PKP2: variants seen among roughly 807,000 people sequenced by gnomAD.
The protein encoded by PKP2 is plakophilin-2.
Under a neutral mutation model 83.4 loss-of-function variants are expected in PKP2, and 73 were observed. The observed-to-expected ratio is 0.88, with a 90% CI of 0.72 to 1.06. The LOEUF (loss-of-function observed/expected upper bound fraction) is 1.06, where lower values mean the gene tolerates loss of function less well. PKP2 is among the 50% of genes least tolerant of loss of function. PKP2 has a pLI of 0.00. For synonymous variants in PKP2, 409 were observed against 430.4 expected (o/e 0.95, Z 0.62); for missense variants, 966 against 1,065.4 (o/e 0.91, Z 1.30).
At chr12:32,840,856 C>A (rs1956583688) in intron 6 of PKP2, among the ~76,000 whole-genome samples, 172 bp downstream of exon 6, 1 of 152,010 alleles carries the variant, frequency 6.6e-6, no homozygotes, top group South Asian at 2.1e-4. Flanking sequence ...CCAGCCTGGG[C>A]AACAGAGCGA....
rs191049291 is a variant in PKP2, at chr12:32,846,588, A to T, written c.1378+4178T>A. Among the ~76,000 whole-genome samples the T allele has an allele frequency of 3.4e-4, 51 of 152,142 alleles. No homozygotes were observed. In the East Asian group the frequency reaches 9.7e-3, roughly 29 times the overall value. On this transcript the variant is annotated intron_variant, in intron 5 of 12. Transcript: ENST00000340811. ...GGAGAAACCTCCATCTCTACTAAAA[A>T]TACAAAATTAGCCAGGCATAGTGGC...
rs2137945629 is a variant in PKP2, at chr12:32,877,878, A to G, written c.1002T>C (p.Thr334=). 12 of 1,614,032 alleles carry G rather than the reference A, an allele frequency of 7.4e-6. No homozygotes were observed. Among genetic ancestry groups the G allele is most frequent in the Non-Finnish European group, 1.0e-5 (12 of 1,179,904 alleles). ...GGGAGTCAGTGAAAGTGCTTCTCTC[A>G]GTGAGCAGATTCCCACTTCCCCCTG... is the stretch of plus-strand genomic sequence containing the variant. The part of the protein sequence containing the change: ...AAAGGSGNLL[T]ERSTFTDSQL... Residue 334 remains threonine (T), a synonymous_variant, in exon 3 of 13, where the codon ACT becomes ACC. Transcript: ENST00000340811.
At chr12:32,801,671 G>A (rs1410187010) in intron 10 of PKP2, among the ~76,000 whole-genome samples, 6 of 151,946 alleles carry the variant, frequency 3.9e-5, no homozygotes, top group African/African-American at 7.3e-5. Context: ...TGTTAGAAAC[G>A]ACCGATTACA....
chr12:32,872,420 G>A (rs931959845), intron 3 of PKP2, among the ~76,000 whole-genome samples: 5 of 152,146 alleles, frequency 3.3e-5, no homozygotes, highest in African/African-American at 1.2e-4. Flanking sequence ...TGTAATCCCA[G>A]CTACTTGGGA....
chr12:32,847,923 C>T (rs1327313187), intron 5 of PKP2, among the ~76,000 whole-genome samples: 1 of 151,954 alleles, frequency 6.6e-6, no homozygotes, highest in Admixed American at 6.6e-5. Flanking sequence ...AGCGAGATCC[C>T]CATCCTTTAA....
chr12:32,862,093 T>C (rs1393705418), intron 4 of PKP2, among the ~76,000 whole-genome samples: 2 of 151,946 alleles, frequency 1.3e-5, no homozygotes, highest in Non-Finnish European at 2.9e-5. Context: ...GACAGGGTTT[T>C]ACCATGTTGC....
At chr12:32,806,300 C>G (rs1269900974) in intron 9 of PKP2, among the ~76,000 whole-genome samples, 5 of 152,142 alleles carry the variant, frequency 3.3e-5, no homozygotes, top group Admixed American at 6.5e-5. Context: ...CCTACCCGCT[C>G]TTTGTACCTC....
rs867052181 is a variant in PKP2, at chr12:32,892,821, G to C, written c.223+3688C>G. The stretch of plus-strand genomic sequence containing the variant: ...ACTCAGATACCTGGGGTGGGGGCGG[G>C]GGGGGGGGGAGAACTGTGTAGCAAG... On this transcript the variant is annotated intron_variant, in intron 1 of 12. Transcript: ENST00000340811. Among the ~76,000 whole-genome samples the C allele has an allele frequency of 7.6e-3, 867 of 113,334 alleles. 135 individuals are homozygous for C. Among genetic ancestry groups the C allele is most frequent in the African/African-American group, 0.025 (824 of 33,008 alleles). 74.4% of individuals were successfully genotyped at this position (113,334 alleles called of 152,430 possible).
rs555341749 is a variant in PKP2, at chr12:32,827,182, A to T, written c.1557-3020T>A. On this transcript the variant is annotated intron_variant, in intron 6 of 12. Transcript: ENST00000340811. ...TATTTCGGGTTAGAATGGTAAGTCA[A>T]GTTGGCAGTACTGCCAGTTCACAAG... 3.9e-5 allele frequency among the ~76,000 whole-genome samples: 6 copies of T among 152,354 alleles called. No individual in the cohort carries two copies. The East Asian group carries it at 9.6e-4, about 24-fold the overall frequency.
intron 9 of PKP2, among the ~76,000 whole-genome samples, chr12:32,803,967 C>G (rs11052249): frequency 0.077 from 11,749 of 152,084 alleles, 1,202 homozygotes; most frequent in East Asian, 0.54. Context: ...TTTTCTTACA[C>G]TTACACATGT....
intron 6 of PKP2, among the ~76,000 whole-genome samples, chr12:32,839,241 A>G (rs559175859): frequency 2.0e-5 from 3 of 152,190 alleles, no homozygotes; most frequent in Admixed American, 2.0e-4. Context: ...TGTCCTTGCT[A>G]TAAAAGGAGG....
intron 6 of PKP2, among the ~76,000 whole-genome samples, chr12:32,830,874 C>T (rs1956494532): frequency 6.6e-6 from 1 of 150,790 alleles, no homozygotes; most frequent in African/African-American, 2.4e-5. Flanking sequence ...CCACTGCACT[C>T]CAGCCTAGGC....
intron 9 of PKP2, among the ~76,000 whole-genome samples, chr12:32,806,165 G>T (rs1290098224): frequency 6.6e-6 from 1 of 152,142 alleles, no homozygotes; most frequent in African/African-American, 2.4e-5. Context: ...ATATTGGCCT[G>T]AAGTTTTCTT....
chr12:32,885,264 GAT>G (rs1329664580), intron 1 of PKP2, among the ~76,000 whole-genome samples: 1 of 152,210 alleles, frequency 6.6e-6, no homozygotes, highest in Non-Finnish European at 1.5e-5. Flanking sequence ...TCATTGGAAT[GAT>G]ATGATTCCTA....
At chr12:32,882,653 T>C (rs1187462984) in intron 1 of PKP2, among the ~76,000 whole-genome samples, 1 of 152,242 alleles carries the variant, frequency 6.6e-6, no homozygotes, top group African/African-American at 2.4e-5. Flanking sequence ...TTAAGCCTTT[T>C]TAAAGCAACT....
chr12:32,823,014 A>G (rs112648174), intron 7 of PKP2, among the ~76,000 whole-genome samples: 173 of 152,346 alleles, frequency 1.1e-3, no homozygotes, highest in African/African-American at 4.1e-3. Context: ...GTAGGAAAAC[A>G]TTAGAAGCAT....
intron 8 of PKP2, 96 bp downstream of exon 8, chr12:32,822,371 G>A (rs1017325563): frequency 9.8e-6 from 10 of 1,020,938 alleles, no homozygotes; most frequent in East Asian, 2.4e-5. Context: ...AAATAGTGCC[G>A]ATATATACCA....
intron 1 of PKP2, among the ~76,000 whole-genome samples, chr12:32,890,470 C>T (rs1957067635): frequency 6.6e-6 from 1 of 152,078 alleles, no homozygotes; most frequent in Non-Finnish European, 1.5e-5. Context: ...CTGATTATTC[C>T]AAGAATATAA....
Position 32,840,260 on chromosome 12 carries a change from T to C in PKP2, c.1556+768A>G, listed in dbSNP as rs557061397. Among the ~76,000 whole-genome samples the C allele has an allele frequency of 2.0e-5, 3 of 152,292 alleles. No individual in the cohort carries two copies. The East Asian group carries it at 5.8e-4, about 29-fold the overall frequency. ...AGCTGTCTTCTAGTTCACTTGCTTA[T>C]CTGTGTCCCCTGCTCCACTAAACAT... On this transcript the variant is annotated intron_variant, in intron 6 of 12. Coordinates refer to ENST00000340811, the MANE Select transcript of PKP2 (RefSeq NM_001005242.3).
Sources: gnomAD v4.1 joint callset for allele counts (sites outside exome capture counted in the v4.1 genomes callset) on GRCh38, gnomAD v4.1.1 for gene constraint, MANE v1.5 for transcripts, NCBI Gene and HGNC (gene_info 2026-07-23, HGNC 2026-07-21) for gene names.